Variants in RPSA observed in about 807,000 individuals in gnomAD.
The protein encoded by RPSA is small ribosomal subunit protein uS2.
For synonymous variants in RPSA, 103 were observed against 126.7 expected (o/e 0.81, Z 1.25); for missense variants, 140 against 372.8 (o/e 0.38, Z 5.14).
intron 1 of RPSA, 39 bp from the exon 2 acceptor site, chr3:39,407,577 TAACTC>T (rs770176268): frequency 6.8e-6 from 10 of 1,463,410 alleles, no homozygotes; most frequent in African/African-American, 4.2e-5. Flanking sequence ...GTGCCCTACT[TAACTC>T]AATGGAATGA....
intron 3 of RPSA, among the ~76,000 whole-genome samples, chr3:39,409,270 C>T (rs531506787): frequency 7.5e-5 from 10 of 134,060 alleles, no homozygotes; most frequent in East Asian, 2.4e-4. Context: ...GGTGTGATAT[C>T]GGCTCATTGC....
intron 2 of RPSA, 151 bp from the exon 3 acceptor site, chr3:39,408,455 G>A (rs746204067): frequency 3.9e-6 from 3 of 775,824 alleles, no homozygotes; most frequent in Non-Finnish European, 7.2e-6. Flanking sequence ...TGTCGGAAGT[G>A]TGCTATATCA....
intron 4 of RPSA, 107 bp from the exon 5 acceptor site, chr3:39,411,542 A>C: frequency 8.4e-7 from 1 of 1,193,724 alleles, no homozygotes; most frequent in Non-Finnish European, 1.2e-6. Context: ...CTTTTCAACT[A>C]AGAGATGTCT....
chr3:39,408,957 G>T (rs1008074106), intron 3 of RPSA: 1 of 446,082 alleles, frequency 2.2e-6, no homozygotes, highest in Non-Finnish European at 4.1e-6. Flanking sequence ...GTGGGGGCGG[G>T]TGCCTGTAGT....
At chr3:39,407,985 G>A in intron 2 of RPSA, 199 bp downstream of exon 2, 1 of 551,106 alleles carries the variant, frequency 1.8e-6, no homozygotes, top group African/African-American at 1.9e-5. Flanking sequence ...TATGTCAGTT[G>A]TCTGAGTTAC....
chr3:39,407,854 G>T, intron 2 of RPSA, 68 bp downstream of exon 2: 2 of 1,291,344 alleles, frequency 1.5e-6, no homozygotes, highest in Non-Finnish European at 2.2e-6. Context: ...CTATTCTCGT[G>T]GTTAGTTCTG....
At chr3:39,408,539 G>C (rs779088057) in intron 2 of RPSA, 67 bp from the exon 3 acceptor site, 2 of 935,838 alleles carry the variant, frequency 2.1e-6, no homozygotes, top group Non-Finnish European at 3.6e-6. Context: ...CTGCCACATA[G>C]AGTAAACTTG....
intron 3 of RPSA, 81 bp downstream of exon 3, chr3:39,408,805 CAG>C (rs1365535758): frequency 4.4e-6 from 4 of 907,076 alleles, no homozygotes; most frequent in East Asian, 2.4e-5. Flanking sequence ...CATAAGAAAA[CAG>C]AAATAACTCA....
intron 4 of RPSA, chr3:39,411,266 C>G (rs1021520342): frequency 1.3e-5 from 9 of 700,522 alleles, no homozygotes; most frequent in East Asian, 5.7e-5. Context: ...ATAGTGTGTT[C>G]TTCTGCCTTT....
chr3:39,408,594 G>C lies in RPSA; in HGVS notation c.134-12G>C, dbSNP rs372380170. 24 of 1,383,280 alleles carry C rather than the reference G, an allele frequency of 1.7e-5. No homozygotes were observed. In the African/African-American group the frequency reaches 3.3e-4, roughly 19 times the overall value. 85.7% of individuals were successfully genotyped at this position (1,383,280 alleles called of 1,614,324 possible). Reference sequence around the variant, plus strand: ...CAGGTCAAGTGTTACAAATCCTTCTGCCCTCACTTAGGCATCTATATCATA... The same window carrying C: ...CAGGTCAAGTGTTACAAATCCTTCTCCCCTCACTTAGGCATCTATATCATA... On this transcript the variant is annotated splice_polypyrimidine_tract_variant and intron_variant, in intron 2 of 6. Transcript: ENST00000301821.
chr3:39,407,943 TGA>T (rs1168780010), intron 2 of RPSA, 157 bp downstream of exon 2: 7 of 623,392 alleles, frequency 1.1e-5, no homozygotes, highest in Admixed American at 3.0e-5. Flanking sequence ...TTCTTGTTAT[TGA>T]GAGAAAAGAT....
chr3:39,408,844 A>G, intron 3 of RPSA, 120 bp downstream of exon 3: 1 of 715,346 alleles, frequency 1.4e-6, no homozygotes, highest in Non-Finnish European at 2.6e-6. Context: ...TACGCCTGTA[A>G]TCCCAGCACT....
chr3:39,411,598 T>A (rs1398258986), intron 4 of RPSA, 51 bp from the exon 5 acceptor site: 6 of 1,604,100 alleles, frequency 3.7e-6, no homozygotes, highest in Non-Finnish European at 5.1e-6. Context: ...AGGTGCTTGC[T>A]GTTTGGGTTT....
At chr3:39,409,648 A>G (rs1328340991) in intron 3 of RPSA, among the ~76,000 whole-genome samples, 1 of 152,230 alleles carries the variant, frequency 6.6e-6, no homozygotes, top group East Asian at 1.9e-4. Context: ...TTTTACCTTA[A>G]AACAATGAAA....
intron 4 of RPSA, 146 bp from the exon 5 acceptor site, chr3:39,411,503 C>A: frequency 1.2e-6 from 1 of 813,378 alleles, no homozygotes; most frequent in South Asian, 1.7e-5. Context: ...GTTGAAAATC[C>A]CTATTTATAA....
intron 3 of RPSA, chr3:39,409,084 CAAAAAAAAAA>C (rs752029969): frequency 3.8e-5 from 3 of 78,476 alleles, no homozygotes; most frequent in South Asian, 4.2e-4. Context: ...GACTCTGTCT[CAAAAAAAAAA>C]AAAAAGAAAA....
chr3:39,412,141 C>T, intron 6 of RPSA, 80 bp downstream of exon 6: 1 of 1,436,390 alleles, frequency 7.0e-7, no homozygotes, highest in Non-Finnish European at 9.8e-7. Context: ...ATCTCTGTGA[C>T]TTTTATACTA....
chr3:39,407,499 C>G (rs1056368418), intron 1 of RPSA, 122 bp from the exon 2 acceptor site: 1 of 769,402 alleles, frequency 1.3e-6, no homozygotes, highest in Non-Finnish European at 2.3e-6. Context: ...TTCTGTTTAC[C>G]CTTCACTACA....
chr3:39,412,175 T>C, intron 6 of RPSA, 99 bp from the exon 7 acceptor site: 1 of 1,339,710 alleles, frequency 7.5e-7, no homozygotes, highest in South Asian at 1.2e-5. Flanking sequence ...TTCATTCCAG[T>C]GTGCTACAGC....
Sources: allele counts gnomAD v4.1 joint callset (sites outside exome capture counted in the v4.1 genomes callset), GRCh38; gene constraint gnomAD v4.1.1; transcripts MANE v1.5; gene names NCBI Gene and HGNC (gene_info 2026-07-23, HGNC 2026-07-21).